CHIC2: variants seen among roughly 807,000 people sequenced by gnomAD.
CHIC2 encodes the protein cysteine rich hydrophobic domain 2.
In CHIC2, 14 loss-of-function variants were observed where a neutral mutation model predicts 25.9. The ratio of observed to expected loss-of-function variants is 0.54; its 90% CI spans 0.36 to 0.85. The LOEUF (loss-of-function observed/expected upper bound fraction) is 0.85. Among genes scored for constraint, CHIC2 ranks in the 40% least tolerant of loss-of-function variants. The pLI is 0.01. For missense variants in CHIC2, 146 were observed against 202.0 expected, an observed-to-expected ratio of 0.72 and a Z score of 1.68; for synonymous variants, 70 against 72.0, an observed-to-expected ratio of 0.97 and a Z score of 0.14.
intron 3 of CHIC2, among the ~76,000 whole-genome samples, chr4:54,025,580 C>T (rs749686502): frequency 7.9e-5 from 12 of 151,994 alleles, no homozygotes; most frequent in East Asian, 1.9e-4. Flanking sequence ...GGGTAAAGGC[C>T]GGGCGCAATA....
At chr4:54,077,157 A>T in the CHIC2 span, among the ~76,000 whole-genome samples, 5 of 152,238 alleles carry the variant, frequency 3.3e-5, no homozygotes, top group Non-Finnish European at 7.3e-5. Flanking sequence ...TTTAATCAGG[A>T]TGGACAAAAT....
chr4:54,051,217 C>A (rs909346260), intron 1 of CHIC2, among the ~76,000 whole-genome samples: 1 of 151,980 alleles, frequency 6.6e-6, no homozygotes, highest in Non-Finnish European at 1.5e-5. Context: ...TCCTTATTTG[C>A]CAGAACTACA....
At chr4:54,018,008 C>T (rs1437358418) in intron 3 of CHIC2, among the ~76,000 whole-genome samples, 7 of 152,048 alleles carry the variant, frequency 4.6e-5, no homozygotes, top group Non-Finnish European at 1.0e-4. Context: ...AGTTGAGCAA[C>T]AAGTAGTAGT....
At chr4:54,046,812 A>T (rs1394518082) in intron 3 of CHIC2, among the ~76,000 whole-genome samples, 1 of 152,252 alleles carries the variant, frequency 6.6e-6, no homozygotes, top group Non-Finnish European at 1.5e-5. Context: ...ATCTAATTAA[A>T]CTAAAGAGCT....
At chr4:54,080,160 G>A in the CHIC2 span, among the ~76,000 whole-genome samples, 4 of 139,328 alleles carry the variant, frequency 2.9e-5, no homozygotes, top group South Asian at 2.4e-4. Context: ...GTATATGTAT[G>A]TGTATATATA....
At chr4:54,068,253 G>A (rs1717556685), upstream of CHIC2, among the ~76,000 whole-genome samples, 1 of 152,096 alleles carries the variant, frequency 6.6e-6, no homozygotes, top group African/African-American at 2.4e-5. Context: ...TGATATCCTA[G>A]CCCTCAAGGT....
chr4:54,040,246 A>C (rs558444791), intron 3 of CHIC2, among the ~76,000 whole-genome samples: 2 of 152,318 alleles, frequency 1.3e-5, no homozygotes, highest in South Asian at 4.1e-4. Flanking sequence ...GAAAAAAGGC[A>C]ATTTGGAAGG....
At chr4:54,070,360 C>T in the CHIC2 span, among the ~76,000 whole-genome samples, 1 of 152,128 alleles carries the variant, frequency 6.6e-6, no homozygotes, top group Non-Finnish European at 1.5e-5. Flanking sequence ...CAGGCAGTGA[C>T]ATTATCAGAT....
chr4:54,016,594 C>T (rs545749828), intron 3 of CHIC2, among the ~76,000 whole-genome samples: 1 of 152,194 alleles, frequency 6.6e-6, no homozygotes, highest in South Asian at 2.1e-4. Flanking sequence ...TATTTCTACA[C>T]ACTTCACAGT....
chr4:54,087,703 T>C, the CHIC2 span: 4 of 535,700 alleles, frequency 7.5e-6, no homozygotes, highest in Non-Finnish European at 1.3e-5. Flanking sequence ...TTTCCTAAAA[T>C]ATCTGGCAAA....
the CHIC2 span, among the ~76,000 whole-genome samples, chr4:54,077,996 T>C: frequency 6.6e-6 from 1 of 152,244 alleles, no homozygotes; most frequent in Non-Finnish European, 1.5e-5. Context: ...GCTTTAGGAA[T>C]GATGTAACTT....
At chr4:54,046,979 G>T (rs964205812) in intron 3 of CHIC2, among the ~76,000 whole-genome samples, 2 of 152,156 alleles carry the variant, frequency 1.3e-5, no homozygotes, top group Admixed American at 1.3e-4. Context: ...CCATCAAAAA[G>T]TGGGCAAAGG....
Position 54,009,966 on chromosome 4 carries a change from A to C in CHIC2, c.*129T>G, listed in dbSNP as rs549001394. On this transcript the variant is annotated 3_prime_UTR_variant, in exon 6 of 6. Transcript: ENST00000263921. ...ACATGCGGTTATTTAAAAAAAAAAC[A>C]AAAACAAAAACAAAAAAAACACCAC... The C allele has an allele frequency of 3.6e-5, 18 of 497,712 alleles. No homozygotes were observed. Among genetic ancestry groups the C allele is most frequent in the South Asian group, 6.7e-5 (2 of 29,964 alleles). The allele number at this position is 497,712 out of a possible 1,614,324, so 30.8% of individuals were successfully genotyped here.
chr4:54,082,173 T>C, the CHIC2 span, among the ~76,000 whole-genome samples: 1 of 152,244 alleles, frequency 6.6e-6, no homozygotes, highest in Non-Finnish European at 1.5e-5. Context: ...ATTTTTCCTT[T>C]CTTTTTCCAT....
intron 1 of CHIC2, among the ~76,000 whole-genome samples, chr4:54,063,795 C>T (rs557741578): frequency 6.6e-6 from 1 of 152,330 alleles, no homozygotes; most frequent in Admixed American, 6.5e-5. Context: ...GGCCTCTGAG[C>T]CATGTCACTG....
intron 3 of CHIC2, among the ~76,000 whole-genome samples, chr4:54,044,713 C>T (rs1305430076): frequency 6.6e-6 from 1 of 152,082 alleles, no homozygotes; most frequent in Non-Finnish European, 1.5e-5. Context: ...CTAAAATTGA[C>T]ACCCTAACAT....
At chr4:54,077,528 T>C in the CHIC2 span, among the ~76,000 whole-genome samples, 2 of 152,232 alleles carry the variant, frequency 1.3e-5, no homozygotes, top group African/African-American at 4.8e-5. Context: ...CATGATTTTA[T>C]TGTTTTCTGA....
the CHIC2 span, among the ~76,000 whole-genome samples, chr4:54,071,604 T>C: frequency 6.6e-6 from 1 of 152,222 alleles, no homozygotes; most frequent in Non-Finnish European, 1.5e-5. Flanking sequence ...TAAACACCAC[T>C]AGAGAAATAT....
At chr4:54,060,909 T>C (rs1011784662) in intron 1 of CHIC2, 1 of 152,172 alleles carries the variant, frequency 6.6e-6, no homozygotes. Flanking sequence ...CTAAATACTA[T>C]GCAATAACAG....
Sources: gnomAD v4.1 joint callset for allele counts (sites outside exome capture counted in the v4.1 genomes callset) on GRCh38, gnomAD v4.1.1 for gene constraint, MANE v1.5 for transcripts, NCBI Gene and HGNC (gene_info 2026-07-23, HGNC 2026-07-21) for gene names.